Variants in FAM161A observed in about 807,000 individuals in gnomAD.
FAM161A encodes FAM161 centrosomal protein A.
A neutral mutation model predicts 70.9 loss-of-function variants in FAM161A; 57 were observed. That is an observed-to-expected ratio of 0.80 (90% CI 0.65 to 1.00). FAM161A has a LOEUF of 1.00. FAM161A is among the 50% of genes least tolerant of loss of function. FAM161A has a pLI of 0.00. For missense variants in FAM161A, 880 were observed against 836.0 expected (o/e 1.05, Z -0.65); for synonymous variants, 299 against 295.7 (o/e 1.01, Z -0.12).
downstream of FAM161A, among the ~76,000 whole-genome samples, chr2:61,821,185 T>TGTA (rs552312554): frequency 2.0e-5 from 3 of 152,138 alleles, no homozygotes; most frequent in Admixed American, 6.5e-5. Flanking sequence ...ACAGAGTAGC[T>TGTA]GGGACTACAG....
At chr2:61,829,676 AT>A (rs1672498469) in intron 5 of FAM161A, among the ~76,000 whole-genome samples, 1 of 152,170 alleles carries the variant, frequency 6.6e-6, no homozygotes, top group South Asian at 2.1e-4. Flanking sequence ...AATTAAATAT[AT>A]AAGACATTAA....
At position 61,842,285 on chromosome 2, in the gene FAM161A, C is replaced by A; in HGVS notation, c.259G>T (p.Asp87Tyr). The change falls in exon 2 of 7, where the codon GAT becomes TAT. Residue 87 changes from aspartate (D) to tyrosine (Y), a missense_variant. Physicochemically the swap from Asp to Tyr is radical, Grantham distance 160. Coordinates refer to ENST00000404929, the MANE Select transcript of FAM161A (RefSeq NM_001201543.2). ...ISYEDFVNFP[D>Y]IHHSNEEYFK... ...TACTCCTCATTAGAGTGGTGAATATCAGGAAAGTTCACAAAGTCCTCATAG... is the reference window on the plus strand; with the variant it reads ...TACTCCTCATTAGAGTGGTGAATATAAGGAAAGTTCACAAAGTCCTCATAG... The A allele has an allele frequency of 6.2e-7, 1 of 1,611,664 alleles. No individual in the cohort carries two copies. The highest frequency in any genetic ancestry group is 8.5e-7 in the Non-Finnish European group (1 of 1,178,516).
At chr2:61,835,732 G>A (rs956015771) in intron 5 of FAM161A, 1 of 343,712 alleles carries the variant, frequency 2.9e-6, no homozygotes, top group Non-Finnish European at 5.3e-6. Context: ...GTCTTGCTAC[G>A]TTGCACAGGT....
chr2:61,807,830 A>C, the FAM161A span, among the ~76,000 whole-genome samples: 1 of 151,908 alleles, frequency 6.6e-6, no homozygotes, highest in Non-Finnish European at 1.5e-5. Context: ...TGGTAGAGAC[A>C]TGGTCTCACT....
chr2:61,814,262 C>T, the FAM161A span, among the ~76,000 whole-genome samples: 1 of 152,150 alleles, frequency 6.6e-6, no homozygotes, highest in Non-Finnish European at 1.5e-5. Context: ...TTCCTAGGTT[C>T]CTGACAGTTT....
rs771690838 is a variant in FAM161A at position 61,838,628 on chromosome 2, T to A, written c.1661A>T (p.Glu554Val). The A allele has an allele frequency of 6.2e-7, 1 of 1,612,146 alleles. No homozygotes were observed. Among genetic ancestry groups the A allele is most frequent in the South Asian group, 1.1e-5 (1 of 90,980 alleles). ...ILTKQKQRMK[E>V]LQKLLTTRAK... ...CCGGGTTGTCAGGAGTTTCTGCAATTCTTTCATTCTTTGCTTCTGTTTAGT... is the reference window on the plus strand; with the variant it reads ...CCGGGTTGTCAGGAGTTTCTGCAATACTTTCATTCTTTGCTTCTGTTTAGT... The change falls in exon 4 of 7, where the codon GAA (glutamate) becomes GTA (valine). Residue 554 changes from glutamate (E) to valine (V), a missense_variant. Physicochemically the swap from Glu to Val is moderately radical, Grantham distance 121 (BLOSUM62 -2). Coordinates refer to ENST00000404929, the MANE Select transcript of FAM161A (RefSeq NM_001201543.2).
At chr2:61,846,847 T>C (rs533520700) in intron 1 of FAM161A, 15 of 436,522 alleles carry the variant, frequency 3.4e-5, no homozygotes, top group African/African-American at 2.8e-4. Context: ...TTCGTTTTAG[T>C]AGCAGTGTCT....
rs182846541 is a variant in FAM161A, at chr2:61,834,392, C to T, written c.1851+1618G>A. 1.7e-3 allele frequency among the ~76,000 whole-genome samples: 252 copies of T among 151,768 alleles called. 1 individual carries two copies. The highest frequency in any genetic ancestry group is 5.7e-3 in the African/African-American group (237 of 41,364). ...AGGAGGGCAAGGGTTGAAAACCTACCTATTGGGTACTATGCTCATTACCTG... is the reference window on the plus strand; with the variant it reads ...AGGAGGGCAAGGGTTGAAAACCTACTTATTGGGTACTATGCTCATTACCTG... On this transcript the variant is annotated intron_variant, in intron 5 of 6. Coordinates refer to ENST00000404929, the MANE Select transcript of FAM161A (RefSeq NM_001201543.2).
At chr2:61,805,349 C>T in the FAM161A span, among the ~76,000 whole-genome samples, 13 of 152,146 alleles carry the variant, frequency 8.5e-5, no homozygotes, top group African/African-American at 2.4e-5. Flanking sequence ...AACCCCGTGT[C>T]TACTAAAAAT....
intron 1 of FAM161A, among the ~76,000 whole-genome samples, chr2:61,850,651 G>A (rs1271676468): frequency 6.6e-6 from 1 of 152,140 alleles, no homozygotes; most frequent in African/African-American, 2.4e-5. Context: ...TACTTGGGAG[G>A]CTGAGGTGAG....
the FAM161A span, among the ~76,000 whole-genome samples, chr2:61,805,957 C>T: frequency 1.3e-5 from 2 of 152,098 alleles, no homozygotes; most frequent in African/African-American, 4.8e-5. Context: ...GTGGCTAACA[C>T]CTGTAAATCC....
downstream of FAM161A, among the ~76,000 whole-genome samples, chr2:61,822,608 G>C (rs186687384): frequency 6.6e-6 from 1 of 151,830 alleles, no homozygotes; most frequent in Non-Finnish European, 1.5e-5. Flanking sequence ...TTTTTGAAAC[G>C]GGGTTTTCAC....
downstream of FAM161A, among the ~76,000 whole-genome samples, chr2:61,823,386 T>TATATATATATATATATATATA (rs1558470704): frequency 2.3e-4 from 31 of 135,120 alleles, no homozygotes; most frequent in Non-Finnish European, 3.2e-4. Flanking sequence ...TATATATATA[T>TATATATATATATATATATATA]TGAGTCAGGG....
chr2:61,841,687 G>A (rs980371107), intron 2 of FAM161A, among the ~76,000 whole-genome samples: 2 of 152,190 alleles, frequency 1.3e-5, no homozygotes, highest in Admixed American at 6.5e-5. Context: ...GAGCAGGTGA[G>A]TTCACAGCAG....
At chr2:61,823,901 C>T (rs1672265319), downstream of FAM161A, among the ~76,000 whole-genome samples, 1 of 152,072 alleles carries the variant, frequency 6.6e-6, no homozygotes, top group African/African-American at 2.4e-5. Context: ...TCAGATGATA[C>T]AAATGTAAAA....
chr2:61,850,611 G>A (rs1313627577), intron 1 of FAM161A, among the ~76,000 whole-genome samples: 1 of 151,964 alleles, frequency 6.6e-6, no homozygotes, highest in Non-Finnish European at 1.5e-5. Context: ...AAATTAGCTG[G>A]GCGTGGTGGC....
Position 61,826,201 on chromosome 2 carries a change from C to T in FAM161A, c.*254G>A, listed in dbSNP as rs952754899. 1.6e-6 allele frequency: 1 copy of T among 615,190 alleles called. No homozygotes were observed. The highest frequency in any genetic ancestry group is 3.0e-6 in the Non-Finnish European group (1 of 332,710). 38.1% of individuals were successfully genotyped at this position (615,190 alleles called of 1,614,324 possible). A position where few individuals can be genotyped will look rare whatever the true frequency, so the allele number is the denominator to read the frequency against. On this transcript the variant is annotated 3_prime_UTR_variant, in exon 7 of 7. Transcript: ENST00000404929. ...CAGTTTGTGACAGCTGTGGTTCTCA[C>T]TTTTTAAAAATACAAAATCATAGTT...
chr2:61,826,936 T>C (rs1415128780), intron 6 of FAM161A, among the ~76,000 whole-genome samples, 168 bp downstream of exon 6: 1 of 152,232 alleles, frequency 6.6e-6, no homozygotes, highest in East Asian at 1.9e-4. Flanking sequence ...GTGTCAAACA[T>C]GTTAAAATAT....
the FAM161A span, among the ~76,000 whole-genome samples, chr2:61,810,676 T>A: frequency 5.9e-5 from 9 of 151,754 alleles, no homozygotes; most frequent in African/African-American, 2.2e-4. Context: ...GTCAGGCTTG[T>A]CTCGAACTCC....
Sources: allele counts gnomAD v4.1 joint callset (sites outside exome capture counted in the v4.1 genomes callset), GRCh38; gene constraint gnomAD v4.1.1; transcripts MANE v1.5; gene names NCBI Gene and HGNC (gene_info 2026-07-23, HGNC 2026-07-21).